NOL9: variants seen among roughly 807,000 people sequenced by gnomAD.
NOL9 encodes nucleolar protein 9.
A neutral mutation model predicts 67.9 loss-of-function variants in NOL9; 28 were observed. That is an observed-to-expected ratio of 0.41 (90% confidence interval 0.31 to 0.57). The LOEUF (loss-of-function observed/expected upper bound fraction) is 0.57, where lower values mean the gene tolerates loss of function less well. NOL9 is among the 20% of genes least tolerant of loss of function. The pLI, the probability that NOL9 is intolerant of heterozygous loss-of-function variation, is 0.25. For missense variants in NOL9, 777 were observed against 897.0 expected, an observed-to-expected ratio of 0.87 and a Z score of 1.71; for synonymous variants, 356 against 352.2, an observed-to-expected ratio of 1.01 and a Z score of -0.12.
intron 5 of NOL9, 127 bp downstream of exon 5, chr1:6,544,699 G>T: frequency 1.1e-6 from 1 of 905,538 alleles, no homozygotes; most frequent in Non-Finnish European, 1.7e-6. Context: ...AGATGCTTCA[G>T]CTGGGCAGCT....
chr1:6,527,759 C>T (rs949387186), intron 10 of NOL9, among the ~76,000 whole-genome samples: 27 of 152,136 alleles, frequency 1.8e-4, no homozygotes, highest in Non-Finnish European at 3.7e-4. Flanking sequence ...TGGTGAAACC[C>T]CATCTGTACT....
At chr1:6,542,614 C>T (rs1319862485) in intron 5 of NOL9, among the ~76,000 whole-genome samples, 4 of 150,794 alleles carry the variant, frequency 2.7e-5, no homozygotes, top group Admixed American at 6.6e-5. Context: ...TGTGCCACCA[C>T]GCCCGGCTAA....
chr1:6,525,787 CT>C lies in NOL9; in HGVS notation c.*66del, dbSNP rs1638870017. The C allele has an allele frequency of 2.6e-6, 4 of 1,556,636 alleles. No homozygotes were observed. In the Admixed American group the frequency reaches 6.9e-5, roughly 27 times the overall value. ...ATGGCCATGAAACTCCATCATGTCT[CT>C]TGTGGTCAGGCTTGAGACAAAGCTT... is the stretch of plus-strand genomic sequence containing the variant. On this transcript the variant is annotated 3_prime_UTR_variant, in exon 12 of 12. Transcript: ENST00000377705.
chr1:6,551,237 G>A (rs899705060), intron 1 of NOL9, among the ~76,000 whole-genome samples: 1 of 151,990 alleles, frequency 6.6e-6, no homozygotes, highest in Non-Finnish European at 1.5e-5. Context: ...CTTGAGTCTC[G>A]GAGGTAGAGG....
intron 6 of NOL9, among the ~76,000 whole-genome samples, chr1:6,540,124 C>CTTTTTTTTT (rs770304509): frequency 0.011 from 1,099 of 104,338 alleles, 112 homozygotes; most frequent in Middle Eastern, 0.029. Flanking sequence ...GAGAGTTATT[C>CTTTTTTTTT]TTTTTTTTTT....
At chr1:6,541,343 A>C (rs1414459484) in intron 6 of NOL9, among the ~76,000 whole-genome samples, 1 of 152,040 alleles carries the variant, frequency 6.6e-6, no homozygotes, top group Admixed American at 6.6e-5. Context: ...CACCATGCCC[A>C]GCTAATTTTT....
chr1:6,550,029 C>T (rs896002660), intron 2 of NOL9, among the ~76,000 whole-genome samples: 3 of 91,992 alleles, frequency 3.3e-5, no homozygotes, highest in African/African-American at 8.9e-5. Flanking sequence ...TAGTAAGCAT[C>T]TAAAATAATT....
rs1263807011 is a variant in NOL9, at chr1:6,524,461, C to T, written c.*1393G>A. On this transcript the variant is annotated 3_prime_UTR_variant, in exon 12 of 12. Coordinates refer to ENST00000377705, the MANE Select transcript of NOL9 (RefSeq NM_024654.5). ...CCACTTCCAACCTAGAGGACAGAGTCGGAAGCACCAGGGAGAACGTGGAGA... is the reference window on the plus strand; with the variant it reads ...CCACTTCCAACCTAGAGGACAGAGTTGGAAGCACCAGGGAGAACGTGGAGA... 1.3e-5 allele frequency: 2 copies of T among 152,262 alleles called. No individual in the cohort carries two copies. Among genetic ancestry groups the T allele is most frequent in the Non-Finnish European group, 2.9e-5 (2 of 68,034 alleles). 9.4% of individuals were successfully genotyped at this position (152,262 alleles called of 1,614,324 possible).
Position 6,525,759 on chromosome 1 carries a change from T to C in NOL9, c.*95A>G. ...AACACTGTTGCTAATAAGGGCACCA[T>C]TCATGGCCATGAAACTCCATCATGT... On this transcript the variant is annotated 3_prime_UTR_variant, in exon 12 of 12. Transcript: ENST00000377705. The C allele has an allele frequency of 7.6e-7, 1 of 1,314,254 alleles. No homozygotes were observed. Among genetic ancestry groups the C allele is most frequent in the South Asian group, 1.2e-5 (1 of 80,062 alleles). The allele number at this position is 1,314,254 out of a possible 1,614,324, so 81.4% of individuals were successfully genotyped here.
intron 6 of NOL9, among the ~76,000 whole-genome samples, chr1:6,538,453 C>A (rs1162756176): frequency 1.3e-5 from 2 of 152,114 alleles, no homozygotes; most frequent in South Asian, 4.1e-4. Context: ...AGGTGGATCA[C>A]CTGAGGTCAG....
rs1557784872 is a variant in NOL9 at position 6,533,271 on chromosome 1, C to CA, written c.1237+8dup. 1 of 1,576,388 alleles carries CA rather than the reference C, an allele frequency of 6.3e-7. No homozygotes were observed. The highest frequency in any genetic ancestry group is 8.6e-7 in the Non-Finnish European group (1 of 1,157,898). ...TCCTTCCCTTGCAGATGTGCACATG[C>CA]AGGCTTACCTGAAACCCATCCCATA... is the stretch of plus-strand genomic sequence containing the variant. On this transcript the variant is annotated intron_variant, in intron 7 of 11. Transcript: ENST00000377705.
At chr1:6,539,374 C>T (rs749235067) in intron 6 of NOL9, among the ~76,000 whole-genome samples, 12 of 152,178 alleles carry the variant, frequency 7.9e-5, no homozygotes, top group Non-Finnish European at 1.6e-4. Context: ...GGATTATTCA[C>T]GAAAGCCAAA....
Position 6,551,960 on chromosome 1 carries a change from G to A in NOL9, c.397-1345C>T, listed in dbSNP as rs866777165. 5.1e-4 allele frequency among the ~76,000 whole-genome samples: 78 copies of A among 152,180 alleles called. 1 individual carries two copies. Among genetic ancestry groups the A allele is most frequent in the Admixed American group, 1.0e-3 (16 of 15,280 alleles). ...TGAGGCAGGAGAATGGCGTGAACCC[G>A]GGAGGCGGAGCTTGCAGTGAGCCCA... On this transcript the variant is annotated intron_variant, in intron 1 of 11. Transcript: ENST00000377705.
At chr1:6,527,505 G>A (rs1638914579) in intron 10 of NOL9, among the ~76,000 whole-genome samples, 1 of 151,712 alleles carries the variant, frequency 6.6e-6, no homozygotes, top group South Asian at 2.1e-4. Context: ...AAATCAGCTG[G>A]GCATGGTGGC....
chr1:6,533,576 C>G (rs1639082782), intron 6 of NOL9, 135 bp from the exon 7 acceptor site: 1 of 559,976 alleles, frequency 1.8e-6, no homozygotes, highest in Non-Finnish European at 2.9e-6. Context: ...ATCCTACCTA[C>G]AGGAACACTC....
chr1:6,554,034 C>T, intron 1 of NOL9, 73 bp downstream of exon 1: 1 of 1,297,396 alleles, frequency 7.7e-7, no homozygotes, highest in South Asian at 1.4e-5. Flanking sequence ...CCTCTCCTAC[C>T]CTGCAGCTCT....
intron 9 of NOL9, 83 bp downstream of exon 9, chr1:6,531,885 T>C: frequency 1.0e-6 from 1 of 980,410 alleles, no homozygotes; most frequent in Non-Finnish European, 1.6e-6. Context: ...AGTTATGTAG[T>C]GGTTAGGAGA....
At chr1:6,537,029 G>A (rs956677852) in intron 6 of NOL9, among the ~76,000 whole-genome samples, 2 of 151,794 alleles carry the variant, frequency 1.3e-5, no homozygotes, top group Non-Finnish European at 2.9e-5. Flanking sequence ...ACCAAGCACG[G>A]TAATGGCATA....
rs1378429486 is a variant in NOL9, at chr1:6,526,814, A to C, written c.1841T>G (p.Ile614Ser). ...DCLGFGICRG[I>S]DMEKRLYHIL... is the part of the protein sequence containing the mutation. The stretch of plus-strand genomic sequence containing the variant: ...GTGGTACAGCCGCTTCTCCATGTCA[A>C]TGCCTCTACAGATGCCTTCAAGACA... The change falls in exon 11 of 12, where the codon ATT (isoleucine) becomes AGT (serine). Residue 614 changes from isoleucine to serine, a missense_variant. Physicochemically the swap from Ile to Ser is moderately radical, Grantham distance 142. This residue lies in a region of NOL9 where 413 missense variants were observed against 552.6 expected (regional missense o/e 0.75). Coordinates refer to ENST00000377705, the MANE Select transcript of NOL9 (RefSeq NM_024654.5). The C allele has an allele frequency of 1.9e-6, 3 of 1,610,694 alleles. No homozygotes were observed. The African/African-American group carries it at 4.0e-5, about 22-fold the overall frequency.
Sources: gnomAD v4.1 joint callset for allele counts (sites outside exome capture counted in the v4.1 genomes callset) on GRCh38, gnomAD v4.1.1 for gene constraint, gnomAD v4.1.1 regional missense constraint, MANE v1.5 for transcripts, NCBI Gene and HGNC (gene_info 2026-07-23, HGNC 2026-07-21) for gene names.